PPP2R3B: variants seen among roughly 807,000 people sequenced by gnomAD.
PPP2R3B encodes the protein serine/threonine-protein phosphatase 2A regulatory subunit B'' subunit beta.
PPP2R3B carries 68 observed loss-of-function variants against 72.9 expected under a neutral mutation model. The observed-to-expected ratio is 0.93, with a 90% confidence interval of 0.77 to 1.14. PPP2R3B has a LOEUF of 1.14. Ranked by LOEUF, PPP2R3B falls within the 50% of genes most tolerant of loss-of-function variation. The probability of loss-of-function intolerance (pLI) is 0.00; values close to 1 mark genes in which losing one functional copy is unlikely to be tolerated. For synonymous variants in PPP2R3B, 466 were observed against 375.8 expected (o/e 1.24, Z -2.78); for missense variants, 1,018 against 842.0 (o/e 1.21, Z -2.59).
chrX:351,864 A>AT, intron 2 of PPP2R3B, among the ~76,000 whole-genome samples: 1 of 152,048 alleles, frequency 6.6e-6, no homozygotes, highest in East Asian at 1.9e-4. Flanking sequence ...TGCCTGGGTA[A>AT]TTTTTTTAAT....
At chrX:369,603 G>A (rs1319530042) in intron 1 of PPP2R3B, among the ~76,000 whole-genome samples, 3 of 152,206 alleles carry the variant, frequency 2.0e-5, no homozygotes, top group East Asian at 1.9e-4. Flanking sequence ...AGTGTACCCC[G>A]AGAACACAGG....
At position 338,703 on chromosome X, in the gene PPP2R3B, T is replaced by A; in HGVS notation, c.1478A>T (p.Asp493Val). The A allele has an allele frequency of 6.2e-7, 1 of 1,611,818 alleles. No individual in the cohort carries two copies. The change falls in exon 12 of 13, where the codon GAC (aspartate) becomes GTC (valine). Residue 493 changes from aspartate to valine, a missense_variant. By Grantham distance (152) the Asp-to-Val change is radical. Coordinates refer to ENST00000390665, the MANE Select transcript of PPP2R3B (RefSeq NM_013239.5). Reference protein sequence around the residue: ...KEQISLLRDGDSGGPELSDWE... With the variant: ...KEQISLLRDGVSGGPELSDWE... ...GTCCGAGAGCTCGGGGCCGCCGCTGTCACCGTCCTGGAGGAAGCACACGGG... is the reference window on the plus strand; with the variant it reads ...GTCCGAGAGCTCGGGGCCGCCGCTGACACCGTCCTGGAGGAAGCACACGGG...
chrX:346,369 G>C, intron 5 of PPP2R3B, 109 bp from the exon 6 acceptor site: 1 of 1,066,252 alleles, frequency 9.4e-7, no homozygotes, highest in South Asian at 1.4e-5. Flanking sequence ...CAGCCGCACG[G>C]GGCCGCCAGG....
In PPP2R3B at chrX:384,215, T is replaced by C. The variant is rs1191615452; in HGVS notation, c.324+2153A>G. Among the ~76,000 whole-genome samples the C allele has an allele frequency of 2.0e-5, 3 of 152,032 alleles. No homozygotes were observed. In the East Asian group the frequency reaches 5.8e-4, roughly 29 times the overall value. ...AGAAGTAAATAAAGGATGTTTTTCT[T>C]TTTCTCTATTGCTTATCTTGGCCTC... On this transcript the variant is annotated intron_variant, in intron 1 of 12. Transcript: ENST00000390665.
At chrX:348,551 G>C (rs763641245) in intron 2 of PPP2R3B, among the ~76,000 whole-genome samples, 128 of 144,730 alleles carry the variant, frequency 8.8e-4, no homozygotes, top group African/African-American at 3.3e-3. Context: ...ACTCCAGCCT[G>C]GGTGACAGAG....
intron 3 of PPP2R3B, 122 bp from the exon 4 acceptor site, chrX:347,458 G>A: frequency 7.4e-7 from 1 of 1,345,272 alleles, no homozygotes; most frequent in Non-Finnish European, 1.1e-6. Flanking sequence ...ACACACGACG[G>A]CCAGGCCTGT....
rs200526706 is a variant in PPP2R3B at position 338,664 on chromosome X, G to C, written c.1517C>G (p.Ala506Gly). ...GPELSDWEKY[A>G]AEEYDILVAE... ...CACCAGGATGTCGTACTCCTCGGCC[G>C]CGTACTTCTCCCAGTCCGAGAGCTC... The change falls in exon 12 of 13, where the codon GCG (alanine) becomes GGG (glycine). Residue 506 changes from alanine (A) to glycine (G), a missense_variant. By Grantham distance (60) the Ala-to-Gly change is moderately conservative. Coordinates refer to ENST00000390665, the MANE Select transcript of PPP2R3B (RefSeq NM_013239.5). 1.2e-6 allele frequency: 2 copies of C among 1,611,382 alleles called. No individual in the cohort carries two copies. Among genetic ancestry groups the C allele is most frequent in the Non-Finnish European group, 1.7e-6 (2 of 1,179,634 alleles).
intron 2 of PPP2R3B, among the ~76,000 whole-genome samples, chrX:351,914 G>C (rs1202282622): frequency 6.6e-6 from 1 of 152,096 alleles, no homozygotes; most frequent in South Asian, 2.1e-4. Flanking sequence ...AGGCTGGTCT[G>C]GAACCCTTGG....
At chrX:350,539 G>C (rs1354499956) in intron 2 of PPP2R3B, among the ~76,000 whole-genome samples, 1 of 147,194 alleles carries the variant, frequency 6.8e-6, no homozygotes, top group South Asian at 2.1e-4. Context: ...GCCCGAACAC[G>C]ACCGAGTGGA....
chrX:340,953 G>C lies in PPP2R3B; in HGVS notation c.1176-13C>G. 1 of 1,607,210 alleles carries C rather than the reference G, an allele frequency of 6.2e-7. No individual in the cohort carries two copies. Among genetic ancestry groups the C allele is most frequent in the South Asian group, 1.1e-5 (1 of 90,826 alleles). ...CCAGTACTCGATGCTGCGGCACGGC[G>C]AGCTCTGTCAGCCCCTGCCCTGGGC... On this transcript the variant is annotated splice_polypyrimidine_tract_variant and intron_variant, in intron 9 of 12. Transcript: ENST00000390665.
intron 1 of PPP2R3B, among the ~76,000 whole-genome samples, chrX:363,350 G>GCATCTCCCCGAGCCCACCATCCCA (rs2071588411): frequency 1.3e-5 from 1 of 75,888 alleles, no homozygotes; most frequent in East Asian, 4.1e-4. Flanking sequence ...CCACCATCCC[G>GCATCTCCCCGAGCCCACCATCCCA]CAGTGCATCT....
At chrX:373,229 G>T (rs1441792723) in intron 1 of PPP2R3B, among the ~76,000 whole-genome samples, 1 of 152,200 alleles carries the variant, frequency 6.6e-6, no homozygotes, top group African/African-American at 2.4e-5. Context: ...TCACAGCAAG[G>T]CGCGCACTCA....
Position 386,469 on chromosome X carries a change from C to G in PPP2R3B, c.223G>C (p.Gly75Arg), listed in dbSNP as rs780334069. Reference protein sequence around the residue: ...APRPSGLEPPGTPGPGPALPL... With the variant: ...APRPSGLEPPRTPGPGPALPL... ...AGCGCAGGGCCCGGCCCGGGGGTTC[C>G]CGGGGGTTCGAGCCCGCTGGGCCGG... The change falls in exon 1 of 13, where the codon GGA (glycine) becomes CGA (arginine). Residue 75 changes from glycine to arginine, a missense_variant. Physicochemically the swap from Gly to Arg is moderately radical, Grantham distance 125. Coordinates refer to ENST00000390665, the MANE Select transcript of PPP2R3B (RefSeq NM_013239.5). 7.7e-7 allele frequency: 1 copy of G among 1,291,830 alleles called. No individual in the cohort carries two copies. Among genetic ancestry groups the G allele is most frequent in the Non-Finnish European group, 9.8e-7 (1 of 1,017,574 alleles). The allele number at this position is 1,291,830 out of a possible 1,614,324, so 80.0% of individuals were successfully genotyped here.
At chrX:339,052 G>A (rs902139960) in intron 10 of PPP2R3B, among the ~76,000 whole-genome samples, 156 bp from the exon 11 acceptor site, 5 of 152,138 alleles carry the variant, frequency 3.3e-5, no homozygotes, top group Non-Finnish European at 5.9e-5. Flanking sequence ...GGACACGCGA[G>A]TGTCCTGGTT....
intron 5 of PPP2R3B, 145 bp from the exon 6 acceptor site, chrX:346,405 C>G (rs1351559634): frequency 1.3e-6 from 1 of 798,936 alleles, no homozygotes; most frequent in Non-Finnish European, 1.9e-6. Context: ...GAGGGAAGGG[C>G]CCTGCGGGAG....
chrX:376,517 ATG>A (rs2071999170), intron 1 of PPP2R3B, among the ~76,000 whole-genome samples: 1 of 133,508 alleles, frequency 7.5e-6, no homozygotes, highest in Non-Finnish European at 1.6e-5. Context: ...ACACTACTGT[ATG>A]CAGGGACGGG....
chrX:345,489 C>G (rs779888417), intron 7 of PPP2R3B, 27 bp downstream of exon 7: 5 of 1,611,366 alleles, frequency 3.1e-6, no homozygotes, highest in Non-Finnish European at 4.2e-6. Flanking sequence ...GTCCGCGCGG[C>G]CCGCCCGCCC....
chrX:371,752 G>C (rs906635476), intron 1 of PPP2R3B, among the ~76,000 whole-genome samples: 11 of 151,956 alleles, frequency 7.2e-5, no homozygotes, highest in African/African-American at 2.2e-4. Context: ...GGACCCAACA[G>C]ACAGAGCCCA....
chrX:360,037 C>T (rs972690977), intron 2 of PPP2R3B, among the ~76,000 whole-genome samples: 1 of 152,066 alleles, frequency 6.6e-6, no homozygotes, highest in Non-Finnish European at 1.5e-5. Context: ...CCCGTATTGC[C>T]CTAAAACCAA....
Sources: allele counts gnomAD v4.1 joint callset (sites outside exome capture counted in the v4.1 genomes callset), GRCh38; gene constraint gnomAD v4.1.1; transcripts MANE v1.5; gene names NCBI Gene and HGNC (gene_info 2026-07-23, HGNC 2026-07-21).